C8orf34: variants seen among roughly 807,000 people sequenced by gnomAD.
C8orf34 encodes chromosome 8 open reading frame 34.
C8orf34 carries 65 observed loss-of-function variants against 68.3 expected under a neutral mutation model. That is an observed-to-expected ratio of 0.95 (90% CI 0.78 to 1.17). The LOEUF is 1.17. Among genes scored for constraint, C8orf34 ranks in the 50% most tolerant of loss-of-function variants. C8orf34 has a pLI of 0.00. For synonymous variants in C8orf34, 244 were observed against 241.2 expected (o/e 1.01, Z -0.11); for missense variants, 664 against 655.4 (o/e 1.01, Z -0.14).
chr8:68,710,382 G>A (rs1361302754), intron 9 of C8orf34, among the ~76,000 whole-genome samples: 1 of 152,110 alleles, frequency 6.6e-6, no homozygotes, highest in Non-Finnish European at 1.5e-5. Flanking sequence ...TAAACTCATT[G>A]CTGTTGAGGG....
intron 1 of C8orf34, among the ~76,000 whole-genome samples, chr8:68,349,172 T>G (rs1806404832): frequency 6.6e-6 from 1 of 152,034 alleles, no homozygotes; most frequent in Non-Finnish European, 1.5e-5. Context: ...TTACTGGGAG[T>G]TTTTAACAGG....
intron 1 of C8orf34, among the ~76,000 whole-genome samples, chr8:68,420,345 T>TA (rs1413348488): frequency 6.6e-5 from 10 of 152,124 alleles, no homozygotes; most frequent in African/African-American, 1.9e-4. Context: ...ACATTCTATA[T>TA]TTGGGTCATC....
At chr8:68,340,281 A>T (rs570464496) in intron 1 of C8orf34, among the ~76,000 whole-genome samples, 1 of 152,272 alleles carries the variant, frequency 6.6e-6, no homozygotes, top group East Asian at 1.9e-4. Flanking sequence ...GCATACATAC[A>T]TATAATATAA....
intron 1 of C8orf34, among the ~76,000 whole-genome samples, chr8:68,344,022 T>C (rs1806181749): frequency 6.6e-6 from 1 of 152,168 alleles, no homozygotes; most frequent in African/African-American, 2.4e-5. Context: ...CCAATATTGT[T>C]TAAAGTAGAT....
At chr8:68,497,904 C>T (rs1813599960) in intron 5 of C8orf34, among the ~76,000 whole-genome samples, 1 of 152,106 alleles carries the variant, frequency 6.6e-6, no homozygotes, top group South Asian at 2.1e-4. Flanking sequence ...TGTTGGATCA[C>T]CGCAACCTCC....
At chr8:68,353,043 A>G (rs1245164346) in intron 1 of C8orf34, among the ~76,000 whole-genome samples, 2 of 152,094 alleles carry the variant, frequency 1.3e-5, no homozygotes, top group East Asian at 1.9e-4. Flanking sequence ...TTATTAAATC[A>G]CTTAGAAATT....
rs1042679489 is a variant in C8orf34 at position 68,446,086 on chromosome 8, C to A, written c.476-243C>A. Among the ~76,000 whole-genome samples the A allele has an allele frequency of 3.9e-5, 6 of 152,198 alleles. No homozygotes were observed. In the East Asian group the frequency reaches 5.8e-4, roughly 15 times the overall value. On this transcript the variant is annotated intron_variant, in intron 2 of 13. Coordinates refer to ENST00000518698, the MANE Select transcript of C8orf34 (RefSeq NM_052958.4). ...TACAGGCATGAACCACTGCGCCCAG[C>A]CAATTTCATAGTTTTATATGATATA...
At chr8:68,376,565 G>A (rs1029031332) in intron 1 of C8orf34, among the ~76,000 whole-genome samples, 2 of 151,726 alleles carry the variant, frequency 1.3e-5, no homozygotes, top group Non-Finnish European at 2.9e-5. Flanking sequence ...CTTCCTCTTG[G>A]GCCTGCCTGC....
chr8:68,619,563 T>C (rs913857044), intron 7 of C8orf34, among the ~76,000 whole-genome samples: 1 of 152,180 alleles, frequency 6.6e-6, no homozygotes, highest in South Asian at 2.1e-4. Context: ...CTCTGCTGAT[T>C]TTGACCACAA....
At chr8:68,627,226 T>C (rs1818562785) in intron 7 of C8orf34, among the ~76,000 whole-genome samples, 1 of 152,128 alleles carries the variant, frequency 6.6e-6, no homozygotes. Context: ...CTTTCCTCAC[T>C]CTGATTTCCA....
rs184396552 is a variant in C8orf34 at position 68,620,097 on chromosome 8, C to T, written c.1106-20279C>T. ...ATTTCCATTCAGTATTCACACATCA[C>T]GGAAGTGCAGGGTGAAATGGGGTGA... On this transcript the variant is annotated intron_variant, in intron 7 of 13. Coordinates refer to ENST00000518698, the MANE Select transcript of C8orf34 (RefSeq NM_052958.4). 3.9e-5 allele frequency among the ~76,000 whole-genome samples: 6 copies of T among 152,244 alleles called. No homozygotes were observed. The East Asian group carries it at 7.8e-4, about 20-fold the overall frequency.
At chr8:68,702,221 T>C (rs1020716612) in intron 8 of C8orf34, among the ~76,000 whole-genome samples, 10 of 152,094 alleles carry the variant, frequency 6.6e-5, no homozygotes, top group African/African-American at 2.2e-4. Context: ...GCACTCTCCA[T>C]AGATACTCCT....
intron 7 of C8orf34, among the ~76,000 whole-genome samples, chr8:68,600,388 T>A (rs10957441): frequency 0.59 from 89,142 of 151,968 alleles, 26,381 homozygotes; most frequent in African/African-American, 0.63. Context: ...CATGAAAATA[T>A]TTTTTTACAT....
At chr8:68,664,983 G>A (rs1819794111) in intron 8 of C8orf34, among the ~76,000 whole-genome samples, 1 of 152,162 alleles carries the variant, frequency 6.6e-6, no homozygotes, top group East Asian at 1.9e-4. Context: ...CCTAGAACTT[G>A]GAAAGATTTA....
At chr8:68,806,321 TA>T (rs937427288) in intron 12 of C8orf34, among the ~76,000 whole-genome samples, 7 of 151,344 alleles carry the variant, frequency 4.6e-5, no homozygotes, top group East Asian at 1.9e-4. Context: ...TCTGCCTAAA[TA>T]AAAAAAAAGA....
At chr8:68,350,869 G>A (rs1419768658) in intron 1 of C8orf34, among the ~76,000 whole-genome samples, 1 of 151,986 alleles carries the variant, frequency 6.6e-6, no homozygotes, top group Non-Finnish European at 1.5e-5. Context: ...CTTGAGATGG[G>A]TCTCTTGAAG....
rs532441703 is a variant in C8orf34 at position 68,409,359 on chromosome 8, T to G, written c.328-30140T>G. ...CTGAAGACCTTCCAGTGGGACAAGATGTGGAGTTGGAAGACAGTGATATTG... is the reference window on the plus strand; with the variant it reads ...CTGAAGACCTTCCAGTGGGACAAGAGGTGGAGTTGGAAGACAGTGATATTG... On this transcript the variant is annotated intron_variant, in intron 1 of 13. Coordinates refer to ENST00000518698, the MANE Select transcript of C8orf34 (RefSeq NM_052958.4). Among the ~76,000 whole-genome samples the G allele has an allele frequency of 2.0e-5, 3 of 152,240 alleles. No homozygotes were observed. The South Asian group carries it at 6.2e-4, about 32-fold the overall frequency.
chr8:68,744,750 A>C (rs1822427186), intron 10 of C8orf34, among the ~76,000 whole-genome samples: 1 of 152,216 alleles, frequency 6.6e-6, no homozygotes, highest in Non-Finnish European at 1.5e-5. Flanking sequence ...GACCAAATCT[A>C]TGTCTGATTG....
At chr8:68,410,069 C>T (rs1351950981) in intron 1 of C8orf34, among the ~76,000 whole-genome samples, 2 of 152,172 alleles carry the variant, frequency 1.3e-5, no homozygotes, top group South Asian at 2.1e-4. Context: ...TGCCCAACAA[C>T]ACATTTCTCA....
Sources: allele counts gnomAD v4.1 joint callset (sites outside exome capture counted in the v4.1 genomes callset), GRCh38; gene constraint gnomAD v4.1.1; transcripts MANE v1.5; gene names NCBI Gene and HGNC (gene_info 2026-07-23, HGNC 2026-07-21).